Variants in UNC5C observed in about 807,000 individuals in gnomAD.
UNC5C encodes netrin receptor UNC5C.
Under a neutral mutation model 99.8 loss-of-function variants are expected in UNC5C, and 47 were observed. That is an observed-to-expected ratio of 0.47 (90% CI 0.37 to 0.60). The LOEUF is 0.60. Among genes scored for constraint, UNC5C ranks in the 20% least tolerant of loss-of-function variants. The probability of loss-of-function intolerance (pLI) is 0.00; values close to 1 mark genes in which losing one functional copy is unlikely to be tolerated. For synonymous variants in UNC5C, 487 were observed against 452.2 expected (o/e 1.08, Z -0.98); for missense variants, 1,062 against 1,165.9 (o/e 0.91, Z 1.30).
chr4:95,463,679 A>G (rs1747678734), intron 1 of UNC5C, among the ~76,000 whole-genome samples: 1 of 152,214 alleles, frequency 6.6e-6, no homozygotes. Flanking sequence ...TTGTAAATGT[A>G]AATCTCAGAA....
chr4:95,344,815 T>C (rs1387176113), intron 1 of UNC5C, among the ~76,000 whole-genome samples: 2 of 151,818 alleles, frequency 1.3e-5, no homozygotes, highest in African/African-American at 2.4e-5. Flanking sequence ...ACAAGCCTCA[T>C]GATAACCTCA....
intron 2 of UNC5C, among the ~76,000 whole-genome samples, chr4:95,321,566 A>T (rs76061725): frequency 6.6e-6 from 1 of 152,314 alleles, no homozygotes; most frequent in East Asian, 1.9e-4. Flanking sequence ...GTTTAAAGAC[A>T]AAGTCAATGT....
intron 1 of UNC5C, among the ~76,000 whole-genome samples, chr4:95,427,524 T>C (rs962215761): frequency 6.6e-6 from 1 of 152,182 alleles, no homozygotes; most frequent in African/African-American, 2.4e-5. Flanking sequence ...ACCTCCATCC[T>C]GATTAGTCAG....
chr4:95,361,933 G>GTA (rs942918425), intron 1 of UNC5C, among the ~76,000 whole-genome samples: 2 of 150,914 alleles, frequency 1.3e-5, no homozygotes, highest in African/African-American at 4.9e-5. Flanking sequence ...GCTACGTGAC[G>GTA]TATATATATA....
intron 12 of UNC5C, among the ~76,000 whole-genome samples, chr4:95,187,237 C>CT (rs1736867071): frequency 6.6e-6 from 1 of 152,144 alleles, no homozygotes; most frequent in South Asian, 2.1e-4. Flanking sequence ...AATTAGAAAT[C>CT]TTTGAGATTA....
intron 1 of UNC5C, among the ~76,000 whole-genome samples, chr4:95,410,477 T>C (rs1187658540): frequency 1.3e-5 from 2 of 152,208 alleles, no homozygotes; most frequent in Non-Finnish European, 1.5e-5. Flanking sequence ...TACCCCATTA[T>C]TTTTCAGTGA....
intron 4 of UNC5C, among the ~76,000 whole-genome samples, chr4:95,255,565 C>T (rs575888545): frequency 6.6e-6 from 1 of 152,128 alleles, no homozygotes; most frequent in Non-Finnish European, 1.5e-5. Context: ...GTGTCCTCAC[C>T]CCCATCTGCA....
At chr4:95,338,738 A>C (rs1324164185) in intron 1 of UNC5C, among the ~76,000 whole-genome samples, 3 of 152,096 alleles carry the variant, frequency 2.0e-5, no homozygotes, top group Non-Finnish European at 4.4e-5. Context: ...TGAATATTAT[A>C]CTAATGGCAA....
Position 95,323,766 on chromosome 4 carries a change from G to A in UNC5C, c.346+11644C>T, listed in dbSNP as rs149290690. 4.0e-3 allele frequency among the ~76,000 whole-genome samples: 610 copies of A among 152,238 alleles called. 4 individuals are homozygous for A. The highest frequency in any genetic ancestry group is 9.1e-3 in the African/African-American group (378 of 41,550). On this transcript the variant is annotated intron_variant, in intron 2 of 15. Coordinates refer to ENST00000453304, the MANE Select transcript of UNC5C (RefSeq NM_003728.4). Reference sequence around the variant, plus strand: ...TAAATAAGGTTTTCGGGTCAGGTGCGGTGGCTCATGCCTGTAATCCCAGCA... The same window carrying A: ...TAAATAAGGTTTTCGGGTCAGGTGCAGTGGCTCATGCCTGTAATCCCAGCA...
chr4:95,501,221 G>A (rs551279533), intron 1 of UNC5C, among the ~76,000 whole-genome samples: 71 of 152,204 alleles, frequency 4.7e-4, no homozygotes, highest in Admixed American at 1.2e-3. Context: ...TGACATATAA[G>A]CAGCTAGCCC....
chr4:95,232,331 G>C (rs1027004205), intron 7 of UNC5C, among the ~76,000 whole-genome samples: 1 of 151,558 alleles, frequency 6.6e-6, no homozygotes, highest in African/African-American at 2.4e-5. Flanking sequence ...CCCCGTCAAT[G>C]CTTCTTAGAA....
intron 1 of UNC5C, among the ~76,000 whole-genome samples, chr4:95,456,820 C>T (rs982632742): frequency 2.6e-5 from 4 of 151,948 alleles, no homozygotes; most frequent in African/African-American, 4.8e-5. Context: ...GATTCAGTTC[C>T]CTATGCAAAT....
At chr4:95,485,018 C>T (rs1392935039) in intron 1 of UNC5C, among the ~76,000 whole-genome samples, 2 of 151,786 alleles carry the variant, frequency 1.3e-5, no homozygotes, top group Non-Finnish European at 2.9e-5. Flanking sequence ...ACTCTTTGGG[C>T]TTATGTAACA....
intron 2 of UNC5C, among the ~76,000 whole-genome samples, chr4:95,307,334 G>T (rs969909993): frequency 5.3e-5 from 8 of 152,024 alleles, no homozygotes; most frequent in Admixed American, 5.2e-4. Context: ...GCAACTTGCT[G>T]GTGTATTAGC....
intron 1 of UNC5C, among the ~76,000 whole-genome samples, chr4:95,499,764 T>A (rs543466365): frequency 2.0e-4 from 30 of 152,080 alleles, no homozygotes; most frequent in African/African-American, 7.2e-4. Context: ...TTAAGGTAAG[T>A]TTACATTGAT....
At chr4:95,446,049 C>T (rs1444543163) in intron 1 of UNC5C, among the ~76,000 whole-genome samples, 4 of 151,932 alleles carry the variant, frequency 2.6e-5, no homozygotes, top group Admixed American at 2.0e-4. Flanking sequence ...TATAAAGTAC[C>T]TAGAATAAAG....
intron 1 of UNC5C, among the ~76,000 whole-genome samples, chr4:95,479,152 T>C (rs1326838040): frequency 6.6e-6 from 1 of 152,056 alleles, no homozygotes; most frequent in Non-Finnish European, 1.5e-5. Flanking sequence ...GCATCTACCT[T>C]TAGAAATTGC....
chr4:95,375,215 GA>G (rs1744857870), intron 1 of UNC5C, among the ~76,000 whole-genome samples: 1 of 152,040 alleles, frequency 6.6e-6, no homozygotes. Flanking sequence ...TACATAATAG[GA>G]GTTCAGAATC....
intron 4 of UNC5C, among the ~76,000 whole-genome samples, chr4:95,255,228 C>T (rs926200235): frequency 7.9e-5 from 12 of 152,104 alleles, no homozygotes; most frequent in Non-Finnish European, 1.6e-4. Context: ...GATCTGCCTG[C>T]CTTGGCCTCT....
Sources: allele counts gnomAD v4.1 joint callset (sites outside exome capture counted in the v4.1 genomes callset), GRCh38; gene constraint gnomAD v4.1.1; transcripts MANE v1.5; gene names NCBI Gene and HGNC (gene_info 2026-07-23, HGNC 2026-07-21).